The following TDRD3 variants were observed in gnomAD, a reference collection of about 807,000 sequenced individuals.
TDRD3 encodes the protein tudor domain containing 3.
TDRD3 carries 45 observed loss-of-function variants against 86.7 expected under a neutral mutation model. The ratio of observed to expected loss-of-function variants is 0.52; its 90% CI spans 0.41 to 0.67. The LOEUF is 0.67. Ranked by LOEUF, TDRD3 falls within the 30% of genes least tolerant of loss-of-function variation. The probability of loss-of-function intolerance (pLI) is 0.00; values close to 1 mark genes in which losing one functional copy is unlikely to be tolerated. For missense variants in TDRD3, 814 were observed against 889.0 expected (o/e 0.92, Z 1.07); for synonymous variants, 298 against 301.7 (o/e 0.99, Z 0.13).
At chr13:60,497,138 G>A (rs1956735379) in intron 8 of TDRD3, among the ~76,000 whole-genome samples, 1 of 152,198 alleles carries the variant, frequency 6.6e-6, no homozygotes, top group African/African-American at 2.4e-5. Context: ...GATCCGGAAG[G>A]GTGGAAGTCA....
chr13:60,477,709 C>T (rs1439999835), intron 5 of TDRD3, among the ~76,000 whole-genome samples: 1 of 152,010 alleles, frequency 6.6e-6, no homozygotes, highest in Admixed American at 6.6e-5. Flanking sequence ...ACATTGCATC[C>T]CAGGGATAAA....
chr13:60,414,679 T>C (rs1308180506), intron 1 of TDRD3, among the ~76,000 whole-genome samples: 1 of 152,144 alleles, frequency 6.6e-6, no homozygotes, highest in African/African-American at 2.4e-5. Flanking sequence ...AAATCCTAAC[T>C]ATTTGATAGG....
Position 60,528,471 on chromosome 13 carries a change from A to G in TDRD3, c.1246A>G (p.Asn416Asp). 1.2e-6 allele frequency: 2 copies of G among 1,614,054 alleles called. No homozygotes were observed. The highest frequency in any genetic ancestry group is 1.7e-6 in the Non-Finnish European group (2 of 1,179,962). ...DNNHLRHPPR[N>D]DTRQPRNEKP... is the part of the protein sequence containing the mutation. ...TAATCATCTGAGACATCCTCCTCGA[A>G]ATGATACCAGGCAGCCAAGAAATGA... Residue 416 changes from asparagine to aspartate, a missense_variant, in exon 11 of 14, where the codon AAT (asparagine) becomes GAT (aspartate). By Grantham distance (23) the Asn-to-Asp change is conservative. Coordinates refer to ENST00000377881, the MANE Select transcript of TDRD3 (RefSeq NM_001146070.2).
chr13:60,421,660 A>G (rs945845139), intron 1 of TDRD3, among the ~76,000 whole-genome samples: 1 of 152,234 alleles, frequency 6.6e-6, no homozygotes, highest in African/African-American at 2.4e-5. Flanking sequence ...GTGTAAAACA[A>G]TGCTCTCAAC....
intron 12 of TDRD3, among the ~76,000 whole-genome samples, chr13:60,540,187 C>G (rs879346003): frequency 2.8e-4 from 43 of 152,090 alleles, no homozygotes; most frequent in African/African-American, 1.0e-3. Context: ...GGGAAACTTT[C>G]AGAGATCACC....
intron 8 of TDRD3, among the ~76,000 whole-genome samples, chr13:60,506,629 T>C (rs1044694125): frequency 6.6e-6 from 1 of 152,108 alleles, no homozygotes; most frequent in African/African-American, 2.4e-5. Flanking sequence ...TTGTGGTGCA[T>C]GCCTATAATC....
intron 3 of TDRD3, among the ~76,000 whole-genome samples, chr13:60,449,122 A>G (rs1322184724): frequency 1.3e-5 from 2 of 152,148 alleles, no homozygotes; most frequent in Non-Finnish European, 2.9e-5. Context: ...CTTAAAATTC[A>G]AAGTGAAGGT....
intron 4 of TDRD3, among the ~76,000 whole-genome samples, chr13:60,461,337 C>G (rs759124765): frequency 8.6e-5 from 13 of 151,978 alleles, no homozygotes; most frequent in Non-Finnish European, 1.0e-4. Flanking sequence ...TTTTCCAAAC[C>G]CTTTGTTTGG....
At chr13:60,434,459 C>A (rs1187461338) in intron 1 of TDRD3, among the ~76,000 whole-genome samples, 5 of 147,884 alleles carry the variant, frequency 3.4e-5, no homozygotes, top group Admixed American at 6.7e-5. Flanking sequence ...AAGTGAGACC[C>A]TGTTTAAAAA....
At chr13:60,439,328 T>C (rs1955198433) in intron 1 of TDRD3, among the ~76,000 whole-genome samples, 1 of 152,186 alleles carries the variant, frequency 6.6e-6, no homozygotes, top group African/African-American at 2.4e-5. Context: ...ATAACACATC[T>C]CAATCTCTTT....
chr13:60,494,583 T>TAA lies in TDRD3; in HGVS notation c.858+10_858+11dup. 1 of 1,607,422 alleles carries TAA rather than the reference T, an allele frequency of 6.2e-7. No homozygotes were observed. The highest frequency in any genetic ancestry group is 8.5e-7 in the Non-Finnish European group (1 of 1,177,476). On this transcript the variant is annotated intron_variant, in intron 8 of 13. Coordinates refer to ENST00000377881, the MANE Select transcript of TDRD3 (RefSeq NM_001146070.2). ...GGTGTCTATAGAGAACTGGTAAGGC[T>TAA]AAAGAACTAACCACAAATTTAAAGT...
chr13:60,444,889 G>T, intron 3 of TDRD3, 141 bp downstream of exon 3: 1 of 416,428 alleles, frequency 2.4e-6, no homozygotes, highest in Non-Finnish European at 4.3e-6. Flanking sequence ...TCATTGTTAT[G>T]GTGACTTCCA....
intron 7 of TDRD3, among the ~76,000 whole-genome samples, chr13:60,487,567 T>C (rs969944108): frequency 5.3e-5 from 8 of 152,192 alleles, no homozygotes; most frequent in Non-Finnish European, 1.2e-4. Context: ...GACTTGAGCA[T>C]GTTTTTGAAA....
chr13:60,423,485 C>T (rs562079992), intron 1 of TDRD3, among the ~76,000 whole-genome samples: 52 of 152,234 alleles, frequency 3.4e-4, no homozygotes, highest in Non-Finnish European at 5.0e-4. Context: ...AGAGAAAATA[C>T]TCATTTTCTT....
intron 12 of TDRD3, among the ~76,000 whole-genome samples, chr13:60,550,810 TA>T (rs1169178670): frequency 6.6e-6 from 1 of 152,138 alleles, no homozygotes; most frequent in Non-Finnish European, 1.5e-5. Flanking sequence ...TTATAAAAAA[TA>T]AAACTTTACA....
intron 6 of TDRD3, chr13:60,484,773 G>A: frequency 2.3e-6 from 1 of 433,094 alleles, no homozygotes; most frequent in South Asian, 1.7e-5. Context: ...TATTCTCCCA[G>A]TGTAATGAAA....
At chr13:60,414,986 AGTC>A (rs1954463281) in intron 1 of TDRD3, among the ~76,000 whole-genome samples, 4 of 152,108 alleles carry the variant, frequency 2.6e-5, no homozygotes, top group African/African-American at 9.7e-5. Context: ...AAAACACATC[AGTC>A]TTGAGTAAAA....
intron 12 of TDRD3, chr13:60,547,477 C>T (rs764268443): frequency 1.9e-4 from 178 of 915,304 alleles, no homozygotes; most frequent in Non-Finnish European, 2.3e-4. Flanking sequence ...CCACTTACTA[C>T]CTATGTGACT....
At chr13:60,459,136 A>G (rs979966047) in intron 3 of TDRD3, among the ~76,000 whole-genome samples, 2 of 152,238 alleles carry the variant, frequency 1.3e-5, no homozygotes, top group African/African-American at 4.8e-5. Context: ...ATACTGATAA[A>G]TATGGAGTAG....
Sources: allele counts gnomAD v4.1 joint callset (sites outside exome capture counted in the v4.1 genomes callset), GRCh38; gene constraint gnomAD v4.1.1; transcripts MANE v1.5; gene names NCBI Gene and HGNC (gene_info 2026-07-23, HGNC 2026-07-21).